ROBO1: variants seen among roughly 807,000 people sequenced by gnomAD.
ROBO1 encodes the protein roundabout homolog 1.
ROBO1 carries 149 observed loss-of-function variants against 195.9 expected under a neutral mutation model. That is an observed-to-expected ratio of 0.76 (90% CI 0.67 to 0.87). The LOEUF is 0.87. Ranked by LOEUF, ROBO1 falls within the 40% of genes least tolerant of loss-of-function variation. ROBO1 has a pLI of 0.00. For synonymous variants in ROBO1, 816 were observed against 733.2 expected (o/e 1.11, Z -1.82); for missense variants, 1,933 against 2,068.3 (o/e 0.93, Z 1.27).
At chr3:79,001,062 G>A (rs545102394) in intron 3 of ROBO1, among the ~76,000 whole-genome samples, 60 of 152,060 alleles carry the variant, frequency 3.9e-4, no homozygotes, top group Non-Finnish European at 6.3e-4. Context: ...ATAAGTGGGA[G>A]CTGAACAATG....
At chr3:78,951,213 T>C (rs2107775210) in intron 3 of ROBO1, among the ~76,000 whole-genome samples, 1 of 151,894 alleles carries the variant, frequency 6.6e-6, no homozygotes, top group African/African-American at 2.4e-5. Context: ...ATATCAGTGA[T>C]TGCAGTCTTC....
intron 3 of ROBO1, among the ~76,000 whole-genome samples, chr3:79,085,699 C>A (rs2079355822): frequency 6.6e-6 from 1 of 152,034 alleles, no homozygotes; most frequent in Non-Finnish European, 1.5e-5. Flanking sequence ...GGCAATTCTA[C>A]TTTTGTGTCT....
At chr3:79,312,571 A>G (rs1188865050) in intron 2 of ROBO1, among the ~76,000 whole-genome samples, 3 of 152,198 alleles carry the variant, frequency 2.0e-5, no homozygotes, top group Non-Finnish European at 4.4e-5. Flanking sequence ...ACTTACCCCA[A>G]GCTTCTTCAT....
At chr3:79,650,098 A>G (rs1456102957) in intron 1 of ROBO1, among the ~76,000 whole-genome samples, 3 of 152,036 alleles carry the variant, frequency 2.0e-5, no homozygotes, top group African/African-American at 7.2e-5. Flanking sequence ...AGATGAAAAT[A>G]TAATTGAGAA....
intron 3 of ROBO1, among the ~76,000 whole-genome samples, chr3:79,100,460 G>T (rs72894165): frequency 6.6e-6 from 1 of 151,510 alleles, no homozygotes; most frequent in East Asian, 2.0e-4. Context: ...AGAAGAGTGA[G>T]CAGGTTAGGA....
intron 3 of ROBO1, among the ~76,000 whole-genome samples, chr3:79,109,441 T>C (rs1226734501): frequency 6.6e-6 from 1 of 152,022 alleles, no homozygotes; most frequent in Non-Finnish European, 1.5e-5. Context: ...GAAGCATTAT[T>C]AAATTTTTTC....
chr3:78,991,549 GAACA>G (rs779244680), intron 3 of ROBO1, among the ~76,000 whole-genome samples: 40 of 152,184 alleles, frequency 2.6e-4, no homozygotes, highest in Admixed American at 5.9e-4. Flanking sequence ...CAGTGAAACT[GAACA>G]AACTACCAGG....
chr3:79,140,051 G>T (rs2108609853), intron 2 of ROBO1, among the ~76,000 whole-genome samples: 1 of 152,230 alleles, frequency 6.6e-6, no homozygotes, highest in Admixed American at 6.5e-5. Flanking sequence ...GGAAGAAATA[G>T]AATCCCTTTT....
intron 4 of ROBO1, among the ~76,000 whole-genome samples, chr3:78,802,745 ATC>A (rs1394079573): frequency 6.6e-6 from 1 of 151,904 alleles, no homozygotes; most frequent in Non-Finnish European, 1.5e-5. Flanking sequence ...CATCATCATC[ATC>A]ATCAATAACA....
intron 1 of ROBO1, among the ~76,000 whole-genome samples, chr3:79,652,599 T>C (rs1946043692): frequency 6.6e-6 from 1 of 152,078 alleles, no homozygotes; most frequent in African/African-American, 2.4e-5. Context: ...AGTAAGTCAT[T>C]TAGCTCAGGC....
intron 4 of ROBO1, among the ~76,000 whole-genome samples, chr3:78,768,722 A>G (rs2083291081): frequency 6.6e-6 from 1 of 151,812 alleles, no homozygotes; most frequent in Non-Finnish European, 1.5e-5. Context: ...ACATATGTAT[A>G]CATGTGCCAT....
In ROBO1 at chr3:78,996,012, T is replaced by C. The variant is rs1354065441; in HGVS notation, c.173-57085A>G. ...ATCCAGCTCCAAATGAAAGATTCCA[T>C]ATGGGAGGGAGAATCTGAAGTTATC... On this transcript the variant is annotated intron_variant, in intron 3 of 30. Coordinates refer to ENST00000464233, the MANE Select transcript of ROBO1 (RefSeq NM_002941.4). Among the ~76,000 whole-genome samples the C allele has an allele frequency of 3.3e-5, 5 of 152,186 alleles. No homozygotes were observed. In the South Asian group the frequency reaches 6.2e-4, roughly 19 times the overall value.
chr3:78,686,756 C>A (rs1024727826), intron 9 of ROBO1, among the ~76,000 whole-genome samples: 6 of 152,110 alleles, frequency 3.9e-5, no homozygotes, highest in African/African-American at 1.4e-4. Context: ...CAATAAGCAT[C>A]TCTGTTAGCT....
At position 78,618,548 on chromosome 3, in the gene ROBO1, A is replaced by G. The variant is rs142440391; in HGVS notation, c.3876-507T>C. 1.2e-3 allele frequency among the ~76,000 whole-genome samples: 180 copies of G among 152,230 alleles called. 2 individuals are homozygous for G. In the East Asian group the frequency reaches 0.033, roughly 28 times the overall value. ...TCTTCACTATAAAGAGTAAAATTTC[A>G]TAAGATTTAAAAAAGCACACATTCA... On this transcript the variant is annotated intron_variant, in intron 26 of 30. Coordinates refer to ENST00000464233, the MANE Select transcript of ROBO1 (RefSeq NM_002941.4).
chr3:79,550,835 G>A (rs1942482882), intron 2 of ROBO1, among the ~76,000 whole-genome samples: 1 of 152,146 alleles, frequency 6.6e-6, no homozygotes, highest in Non-Finnish European at 1.5e-5. Flanking sequence ...GATTAACTTT[G>A]CTATGGTTTG....
At chr3:79,539,033 G>A (rs1322864059) in intron 2 of ROBO1, among the ~76,000 whole-genome samples, 3 of 152,098 alleles carry the variant, frequency 2.0e-5, no homozygotes, top group South Asian at 2.1e-4. Flanking sequence ...AATTGTGAGG[G>A]TGATACTGAG....
intron 1 of ROBO1, among the ~76,000 whole-genome samples, chr3:79,710,080 A>G (rs1175064084): frequency 6.6e-6 from 1 of 152,178 alleles, no homozygotes; most frequent in East Asian, 1.9e-4. Context: ...TTATGAGCCA[A>G]TAAAGAAGCT....
At chr3:79,304,953 A>AAGTTCCGTTTTCCAAAG (rs1162035882) in intron 2 of ROBO1, among the ~76,000 whole-genome samples, 1 of 152,224 alleles carries the variant, frequency 6.6e-6, no homozygotes, top group Non-Finnish European at 1.5e-5. Context: ...GTTTTCCAAA[A>AAGTTCCGTTTTCCAAAG]AGTTCCATTT....
chr3:79,199,490 G>C (rs1370100341), intron 2 of ROBO1, among the ~76,000 whole-genome samples: 3 of 151,664 alleles, frequency 2.0e-5, no homozygotes, highest in Admixed American at 6.6e-5. Flanking sequence ...CATTCAGGTA[G>C]GTGTATTAAT....
Sources: allele counts gnomAD v4.1 joint callset (sites outside exome capture counted in the v4.1 genomes callset), GRCh38; gene constraint gnomAD v4.1.1; transcripts MANE v1.5; gene names NCBI Gene and HGNC (gene_info 2026-07-23, HGNC 2026-07-21).